PDE7A: variants seen among roughly 807,000 people sequenced by gnomAD.
PDE7A encodes high affinity 3',5'-cyclic-AMP phosphodiesterase 7A.
A neutral mutation model predicts 64.3 loss-of-function variants in PDE7A; 39 were observed. The observed-to-expected ratio is 0.61, with a 90% CI of 0.47 to 0.79. The LOEUF (loss-of-function observed/expected upper bound fraction) is 0.79, where lower values mean the gene tolerates loss of function less well. Ranked by LOEUF, PDE7A falls within the 30% of genes least tolerant of loss-of-function variation. The pLI is 0.00. For synonymous variants in PDE7A, 203 were observed against 206.8 expected (o/e 0.98, Z 0.16); for missense variants, 470 against 582.8 (o/e 0.81, Z 1.99).
chr8:65,731,671 T>C (rs1806894374), intron 7 of PDE7A: 1 of 152,184 alleles, frequency 6.6e-6, no homozygotes, highest in Non-Finnish European at 1.5e-5. Context: ...TTAGTGACAA[T>C]GCATATATAG....
rs930436215 is a variant in PDE7A, at chr8:65,842,015, C to T, written c.-507G>A. The stretch of plus-strand genomic sequence containing the variant: ...CGCCGGAGTCCTGCTCCTCCCCTCC[C>T]CCGGAGCCTGACTTCACTCCGCCGC... On this transcript the variant is annotated 5_prime_UTR_variant, in exon 1 of 13. Transcript: ENST00000401827. The T allele has an allele frequency of 2.6e-5, 6 of 234,242 alleles. No homozygotes were observed. The highest frequency in any genetic ancestry group is 4.9e-5 in the African/African-American group (2 of 40,648). The allele number at this position is 234,242 out of a possible 1,614,324, so 14.5% of individuals were successfully genotyped here. A position where few individuals can be genotyped will look rare whatever the true frequency, so the allele number is the denominator to read the frequency against.
chr8:65,755,268 G>A (rs879789770), intron 3 of PDE7A, among the ~76,000 whole-genome samples: 11 of 152,132 alleles, frequency 7.2e-5, no homozygotes, highest in East Asian at 3.9e-4. Flanking sequence ...GGATCCACCC[G>A]CCTCAGCCTC....
intron 1 of PDE7A, among the ~76,000 whole-genome samples, chr8:65,830,815 T>C (rs995422837): frequency 1.3e-5 from 2 of 152,078 alleles, no homozygotes; most frequent in Non-Finnish European, 2.9e-5. Flanking sequence ...TCCCATCTAC[T>C]AAATTCATGA....
intron 5 of PDE7A, among the ~76,000 whole-genome samples, chr8:65,744,771 G>T (rs1478765860): frequency 6.6e-6 from 1 of 152,188 alleles, no homozygotes; most frequent in African/African-American, 2.4e-5. Context: ...AATAATAGCA[G>T]CGGCAATTGC....
chr8:65,838,231 T>C (rs1352130064), intron 1 of PDE7A, among the ~76,000 whole-genome samples: 4 of 152,228 alleles, frequency 2.6e-5, no homozygotes, highest in African/African-American at 9.6e-5. Context: ...AACCTACCTA[T>C]GCAAAGTACC....
chr8:65,834,728 G>A (rs1810913667), intron 1 of PDE7A, among the ~76,000 whole-genome samples: 1 of 152,126 alleles, frequency 6.6e-6, no homozygotes, highest in African/African-American at 2.4e-5. Flanking sequence ...TGAAAATGAA[G>A]AGCCATCCCT....
In PDE7A at chr8:65,724,221, G is replaced by A. The variant is rs1387886548; in HGVS notation, c.1162+34C>T. Reference sequence around the variant, plus strand: ...TACGATGTTAAAAAAAAATGAACTGGATAGATTAATTATCACTCAATACTG... The same window carrying A: ...TACGATGTTAAAAAAAAATGAACTGAATAGATTAATTATCACTCAATACTG... On this transcript the variant is annotated intron_variant, in intron 11 of 12. Transcript: ENST00000401827. The A allele has an allele frequency of 3.8e-6, 5 of 1,331,162 alleles. No individual in the cohort carries two copies. In the Admixed American group the frequency reaches 5.1e-5, roughly 14 times the overall value. The allele number at this position is 1,331,162 out of a possible 1,614,324, so 82.5% of individuals were successfully genotyped here.
rs189179988 is a variant in PDE7A at position 65,836,806 on chromosome 8, A to C, written c.138+4565T>G. Among the ~76,000 whole-genome samples, 411 of 152,358 alleles carry C rather than the reference A, an allele frequency of 2.7e-3. 1 individual carries two copies. Among genetic ancestry groups the C allele is most frequent in the Admixed American group, 5.0e-3 (77 of 15,308 alleles). On this transcript the variant is annotated intron_variant, in intron 1 of 12. Coordinates refer to ENST00000401827, the MANE Select transcript of PDE7A (RefSeq NM_001242318.3). ...CACATTTCAAGTGCCCACTAGCCACATAAGGCTAGTGACTATCATCAGATA... is the reference window on the plus strand; with the variant it reads ...CACATTTCAAGTGCCCACTAGCCACCTAAGGCTAGTGACTATCATCAGATA...
At chr8:65,817,206 G>A (rs1246584515) in intron 1 of PDE7A, among the ~76,000 whole-genome samples, 2 of 152,264 alleles carry the variant, frequency 1.3e-5, no homozygotes, top group East Asian at 3.9e-4. Context: ...AAGTTGCAAA[G>A]ATAGTAGAGT....
In PDE7A at chr8:65,788,938, C is replaced by T. The variant is rs1268815622; in HGVS notation, c.139-6095G>A. On this transcript the variant is annotated intron_variant, in intron 1 of 12. Coordinates refer to ENST00000401827, the MANE Select transcript of PDE7A (RefSeq NM_001242318.3). ...GCCAGACACCAGATCAATGTAATTC[C>T]CATTGGATCAATCAAAAGCCCGCTG... 5 of 1,612,102 alleles carry T rather than the reference C, an allele frequency of 3.1e-6. No homozygotes were observed. In the South Asian group the frequency reaches 5.5e-5, roughly 18 times the overall value.
chr8:65,791,227 C>A (rs535547002), intron 1 of PDE7A, among the ~76,000 whole-genome samples: 4 of 152,332 alleles, frequency 2.6e-5, no homozygotes, highest in African/African-American at 7.2e-5. Flanking sequence ...TAGATTATTT[C>A]TACCATCTCA....
At chr8:65,739,049 G>A (rs1807277914) in intron 6 of PDE7A, among the ~76,000 whole-genome samples, 1 of 152,242 alleles carries the variant, frequency 6.6e-6, no homozygotes, top group African/African-American at 2.4e-5. Context: ...TCTGAGCCCA[G>A]GGCTCCAGCG....
Position 65,727,318 on chromosome 8 carries a change from G to T in PDE7A, c.697-17C>A. The T allele has an allele frequency of 6.2e-7, 1 of 1,611,956 alleles. No homozygotes were observed. Among genetic ancestry groups the T allele is most frequent in the Non-Finnish European group, 8.5e-7 (1 of 1,178,626 alleles). ...ATTGGCAAGCTGAAGTGTGACAAAA[G>T]AATAATGAATCACAGATATATCTAA... is the stretch of plus-strand genomic sequence containing the variant. On this transcript the variant is annotated splice_polypyrimidine_tract_variant and intron_variant, in intron 7 of 12. Coordinates refer to ENST00000401827, the MANE Select transcript of PDE7A (RefSeq NM_001242318.3).
At chr8:65,746,546 A>C (rs566134373) in intron 4 of PDE7A, among the ~76,000 whole-genome samples, 79 of 152,160 alleles carry the variant, frequency 5.2e-4, no homozygotes, top group Non-Finnish European at 1.0e-3. Flanking sequence ...CTAAAAACCA[A>C]ATATTTTTAT....
intron 1 of PDE7A, among the ~76,000 whole-genome samples, chr8:65,801,737 C>G (rs1425039126): frequency 6.6e-6 from 1 of 152,102 alleles, no homozygotes; most frequent in Non-Finnish European, 1.5e-5. Context: ...GCAAAAAGAT[C>G]TCTTGGATTT....
At chr8:65,759,906 T>G (rs1012560168) in intron 3 of PDE7A, among the ~76,000 whole-genome samples, 1 of 152,162 alleles carries the variant, frequency 6.6e-6, no homozygotes, top group Non-Finnish European at 1.5e-5. Context: ...TACGTATAAT[T>G]TTTCTTTCAT....
chr8:65,770,987 C>A, intron 3 of PDE7A: 1 of 332,566 alleles, frequency 3.0e-6, no homozygotes, highest in Non-Finnish European at 6.0e-6. Context: ...ACAAGAAGGC[C>A]TATGGCAAAT....
At chr8:65,739,350 G>C (rs1210959056) in intron 6 of PDE7A, 152 bp downstream of exon 6, 4 of 863,794 alleles carry the variant, frequency 4.6e-6, no homozygotes, top group Non-Finnish European at 6.4e-6. Context: ...CCCCACAGAT[G>C]CAAGAGCTAA....
chr8:65,716,140 C>A lies in PDE7A; in HGVS notation c.*3150G>T, dbSNP rs1187835142. On this transcript the variant is annotated 3_prime_UTR_variant, in exon 13 of 13. Transcript: ENST00000401827. ...CACTCCAGCCTAGTTAGCAGCGAGA[C>A]CCTGTCTCAAAAAAAAAAAAAAACA... 6.8e-6 allele frequency among the ~76,000 whole-genome samples: 1 copy of A among 146,578 alleles called. No homozygotes were observed. Among genetic ancestry groups the A allele is most frequent in the African/African-American group, 2.5e-5 (1 of 39,584 alleles).
Sources: gnomAD v4.1 joint callset for allele counts (sites outside exome capture counted in the v4.1 genomes callset) on GRCh38, gnomAD v4.1.1 for gene constraint, MANE v1.5 for transcripts, NCBI Gene and HGNC (gene_info 2026-07-23, HGNC 2026-07-21) for gene names.